The following MGAT4A variants were observed in gnomAD, a reference collection of about 807,000 sequenced individuals.
MGAT4A encodes alpha-1,3-mannosyl-glycoprotein 4-beta-N-acetylglucosaminyltransferase A, also known as N-acetylglucosaminyltransferase IVa.
A neutral mutation model predicts 74.1 loss-of-function variants in MGAT4A; 33 were observed. That is an observed-to-expected ratio of 0.45 (90% CI 0.34 to 0.60). The LOEUF (loss-of-function observed/expected upper bound fraction) is 0.60. Ranked by LOEUF, MGAT4A falls within the 20% of genes least tolerant of loss-of-function variation. MGAT4A has a pLI of 0.02. For synonymous variants in MGAT4A, 198 were observed against 210.4 expected, an observed-to-expected ratio of 0.94 and a Z score of 0.51; for missense variants, 479 against 628.3, an observed-to-expected ratio of 0.76 and a Z score of 2.54.
intron 2 of MGAT4A, among the ~76,000 whole-genome samples, chr2:98,724,578 G>C (rs1022623290): frequency 6.6e-6 from 1 of 152,182 alleles, no homozygotes; most frequent in Non-Finnish European, 1.5e-5. Context: ...CTGTATGTGT[G>C]CATCTAACAC....
intron 13 of MGAT4A, among the ~76,000 whole-genome samples, chr2:98,636,117 C>T (rs1040915215): frequency 2.6e-5 from 4 of 151,898 alleles, no homozygotes; most frequent in African/African-American, 4.8e-5. Context: ...CTCAGCCTCC[C>T]GAGTAGCTGG....
chr2:98,670,894 G>T (rs1318952411), intron 4 of MGAT4A, among the ~76,000 whole-genome samples: 1 of 152,108 alleles, frequency 6.6e-6, no homozygotes. Flanking sequence ...TCTCTCCTTT[G>T]AGTCCCAGAT....
intron 2 of MGAT4A, among the ~76,000 whole-genome samples, chr2:98,702,592 A>C (rs1203296174): frequency 1.3e-5 from 2 of 152,240 alleles, no homozygotes; most frequent in African/African-American, 2.4e-5. Context: ...AAAGGAGACC[A>C]GGGCAAAGTA....
chr2:98,671,630 T>C (rs1171130993), intron 4 of MGAT4A, among the ~76,000 whole-genome samples: 3 of 152,194 alleles, frequency 2.0e-5, no homozygotes, highest in Non-Finnish European at 1.5e-5. Context: ...TATTCTTTTT[T>C]TCCCCATTGT....
At chr2:98,658,819 A>T (rs961590990) in intron 5 of MGAT4A, among the ~76,000 whole-genome samples, 1 of 152,224 alleles carries the variant, frequency 6.6e-6, no homozygotes, top group Admixed American at 6.5e-5. Context: ...AGAGCACTTC[A>T]ATCAGTTAGA....
chr2:98,625,799 T>G lies in MGAT4A; in HGVS notation c.1505A>C (p.Asp502Ala), dbSNP rs772273127. 2 of 1,612,176 alleles carry G rather than the reference T, an allele frequency of 1.2e-6. No individual in the cohort carries two copies. The highest frequency in any genetic ancestry group is 2.2e-5 in the South Asian group (2 of 90,896). ...FENGVAEGMV[D>A]PSLNPISAFR... ...GGCTGAAATGGGATTGAGACTTGGA[T>G]CCACCATTCCTTCTGCAACACCATT... The change falls in exon 15 of 16, where the codon GAT becomes GCT. Residue 502 changes from aspartate (D) to alanine (A), a missense_variant. Around this residue, in one of 3 missense-constraint regions of MGAT4A, gnomAD observed 236 missense variants for 308.2 expected, o/e 0.77. Transcript: ENST00000393487.
At chr2:98,696,958 T>A (rs947160109) in intron 2 of MGAT4A, among the ~76,000 whole-genome samples, 2 of 152,204 alleles carry the variant, frequency 1.3e-5, no homozygotes, top group African/African-American at 2.4e-5. Context: ...TCCACTTTTT[T>A]AGGGGTGCCT....
At chr2:98,707,188 T>C (rs1436485221) in intron 2 of MGAT4A, among the ~76,000 whole-genome samples, 5 of 152,186 alleles carry the variant, frequency 3.3e-5, no homozygotes, top group Non-Finnish European at 7.3e-5. Flanking sequence ...CACTCCAGCC[T>C]GGGTGACAGA....
chr2:98,728,770 G>A (rs1431176815), intron 1 of MGAT4A, among the ~76,000 whole-genome samples: 1 of 150,718 alleles, frequency 6.6e-6, no homozygotes, highest in Non-Finnish European at 1.5e-5. Flanking sequence ...TTCATAGCAA[G>A]ACTGCTCTAA....
intron 14 of MGAT4A, among the ~76,000 whole-genome samples, chr2:98,626,472 T>C (rs1701145489): frequency 6.6e-6 from 1 of 152,148 alleles, no homozygotes; most frequent in Admixed American, 6.5e-5. Context: ...AACATCCATC[T>C]TAAAACCAAA....
At position 98,625,493 on chromosome 2, in the gene MGAT4A, A is replaced by G; in HGVS notation, c.*73T>C. ...CAAGAGGTAGTGTTCAAGTAGAAAT[A>G]AAAAAAAGATACATGCTTAACTATC... On this transcript the variant is annotated 3_prime_UTR_variant, in exon 16 of 16. Transcript: ENST00000393487. 3.2e-6 allele frequency: 5 copies of G among 1,573,936 alleles called. No individual in the cohort carries two copies. The highest frequency in any genetic ancestry group is 4.3e-6 in the Non-Finnish European group (5 of 1,163,882).
intron 8 of MGAT4A, among the ~76,000 whole-genome samples, chr2:98,654,711 G>A (rs1395982989): frequency 6.6e-6 from 1 of 152,100 alleles, no homozygotes; most frequent in Non-Finnish European, 1.5e-5. Context: ...ATATTAAAAT[G>A]TCCACACTAC....
chr2:98,710,630 T>G (rs1042953241), intron 2 of MGAT4A, among the ~76,000 whole-genome samples: 1 of 152,098 alleles, frequency 6.6e-6, no homozygotes, highest in Non-Finnish European at 1.5e-5. Context: ...TGGCTAATTT[T>G]TGTATTTTTA....
At chr2:98,717,993 C>T (rs1289502210) in intron 2 of MGAT4A, among the ~76,000 whole-genome samples, 1 of 152,196 alleles carries the variant, frequency 6.6e-6, no homozygotes, top group Non-Finnish European at 1.5e-5. Flanking sequence ...AATCTAAAAA[C>T]TTTTATTCAC....
At chr2:98,710,935 AAG>A (rs1702506810) in intron 2 of MGAT4A, among the ~76,000 whole-genome samples, 1 of 152,156 alleles carries the variant, frequency 6.6e-6, no homozygotes, top group Non-Finnish European at 1.5e-5. Context: ...TAAGAAGTAT[AAG>A]AAGAACGGCG....
chr2:98,672,948 A>C (rs1346929812), intron 4 of MGAT4A, among the ~76,000 whole-genome samples: 1 of 152,130 alleles, frequency 6.6e-6, no homozygotes, highest in South Asian at 2.1e-4. Flanking sequence ...CTGCAAACTC[A>C]ATTTTCTTTA....
In MGAT4A at chr2:98,716,582, A is replaced by G. The variant is rs368703136; in HGVS notation, c.94+9657T>C. Among the ~76,000 whole-genome samples the G allele has an allele frequency of 8.5e-5, 13 of 152,334 alleles. No individual in the cohort carries two copies. The East Asian group carries it at 2.1e-3, about 25-fold the overall frequency. On this transcript the variant is annotated intron_variant, in intron 2 of 15. Transcript: ENST00000393487. The stretch of plus-strand genomic sequence containing the variant: ...GCGGTGAGCCAAGATTGTCGATTGC[A>G]CCACTGCACTCCAGCCTGGGCTACA...
rs1278073589 is a variant in MGAT4A, at chr2:98,691,892, T to C, written c.95-13421A>G. 2.6e-5 allele frequency among the ~76,000 whole-genome samples: 4 copies of C among 152,184 alleles called. No individual in the cohort carries two copies. The South Asian group carries it at 6.2e-4, about 24-fold the overall frequency. Reference sequence around the variant, plus strand: ...CTGACCCTCTGCAGGCCTAGGCTAATGTGTATGTCTCTTCCTTTTTAACAA... The same window carrying C: ...CTGACCCTCTGCAGGCCTAGGCTAACGTGTATGTCTCTTCCTTTTTAACAA... On this transcript the variant is annotated intron_variant, in intron 2 of 15. Coordinates refer to ENST00000393487, the MANE Select transcript of MGAT4A (RefSeq NM_012214.3).
At chr2:98,659,957 C>G (rs974031995) in intron 5 of MGAT4A, among the ~76,000 whole-genome samples, 3 of 127,052 alleles carry the variant, frequency 2.4e-5, no homozygotes, top group Non-Finnish European at 4.9e-5. Flanking sequence ...GCACTTAATA[C>G]TTGAGAAAAA....
Sources: allele counts gnomAD v4.1 joint callset (sites outside exome capture counted in the v4.1 genomes callset), GRCh38; gene constraint gnomAD v4.1.1; regional missense constraint gnomAD v4.1.1; transcripts MANE v1.5; gene names NCBI Gene and HGNC (gene_info 2026-07-23, HGNC 2026-07-21).